Variants in CSMD3 observed in about 807,000 individuals in gnomAD.
The protein encoded by CSMD3 is CUB and Sushi multiple domains 3.
Under a neutral mutation model 435.2 loss-of-function variants are expected in CSMD3, and 177 were observed. The ratio of observed to expected loss-of-function variants is 0.41; its 90% CI spans 0.36 to 0.46. CSMD3 has a LOEUF of 0.46. Ranked by LOEUF, CSMD3 falls within the 20% of genes least tolerant of loss-of-function variation. The probability of loss-of-function intolerance (pLI) is 0.34; values close to 1 mark genes in which losing one functional copy is unlikely to be tolerated. For missense variants in CSMD3, 4,265 were observed against 4,504.6 expected, an observed-to-expected ratio of 0.95 and a Z score of 1.52; for synonymous variants, 1,656 against 1,520.5, an observed-to-expected ratio of 1.09 and a Z score of -2.07.
At chr8:113,120,328 C>A (rs989229028) in intron 4 of CSMD3, among the ~76,000 whole-genome samples, 1 of 151,936 alleles carries the variant, frequency 6.6e-6, no homozygotes, top group African/African-American at 2.4e-5. Context: ...TCAATATATT[C>A]ATTGTTTTCT....
chr8:113,337,105 CTG>C (rs1379406051), intron 1 of CSMD3, among the ~76,000 whole-genome samples: 1 of 152,068 alleles, frequency 6.6e-6, no homozygotes, highest in African/African-American at 2.4e-5. Flanking sequence ...CTTTTTGTGA[CTG>C]TGTCTGTCAT....
chr8:113,335,116 G>A (rs564034760), intron 1 of CSMD3, among the ~76,000 whole-genome samples: 1 of 152,086 alleles, frequency 6.6e-6, no homozygotes, highest in East Asian at 1.9e-4. Flanking sequence ...AAAGTGCATA[G>A]CACGCCACCT....
intron 24 of CSMD3, among the ~76,000 whole-genome samples, chr8:112,566,290 T>C (rs1829058729): frequency 6.6e-6 from 1 of 152,064 alleles, no homozygotes; most frequent in Admixed American, 6.6e-5. Context: ...CTATGCTTTT[T>C]ATTTCCTCAT....
At chr8:112,874,442 T>C (rs908680876) in intron 10 of CSMD3, among the ~76,000 whole-genome samples, 15 of 152,196 alleles carry the variant, frequency 9.9e-5, no homozygotes, top group African/African-American at 3.6e-4. Flanking sequence ...CAGAGCTGAG[T>C]TCAAGTCCTG....
At chr8:112,334,134 G>A (rs578016829) in intron 45 of CSMD3, among the ~76,000 whole-genome samples, 4 of 152,232 alleles carry the variant, frequency 2.6e-5, no homozygotes, top group African/African-American at 9.6e-5. Flanking sequence ...CGTGTTCATG[G>A]TGGTATGGCC....
intron 59 of CSMD3, among the ~76,000 whole-genome samples, chr8:112,268,717 T>C (rs1817190839): frequency 6.6e-6 from 1 of 152,202 alleles, no homozygotes; most frequent in African/African-American, 2.4e-5. Context: ...TGCTTGAGCA[T>C]CATTACATAT....
chr8:113,115,186 T>A (rs2090784517), intron 4 of CSMD3, among the ~76,000 whole-genome samples: 1 of 152,190 alleles, frequency 6.6e-6, no homozygotes. Flanking sequence ...CTCAGGGAAT[T>A]CAGAAAGAGG....
At chr8:112,643,303 C>G (rs1052041175) in intron 20 of CSMD3, among the ~76,000 whole-genome samples, 8 of 152,058 alleles carry the variant, frequency 5.3e-5, no homozygotes, top group African/African-American at 1.7e-4. Flanking sequence ...CCATAACAGG[C>G]CAGTTCATCA....
chr8:113,268,559 G>GA (rs2093492087), intron 3 of CSMD3, among the ~76,000 whole-genome samples: 2 of 151,814 alleles, frequency 1.3e-5, no homozygotes, highest in African/African-American at 4.8e-5. Context: ...AGATTCGACT[G>GA]CAAGAAGTTT....
intron 36 of CSMD3, among the ~76,000 whole-genome samples, chr8:112,384,548 C>A (rs1829767917): frequency 6.6e-6 from 1 of 152,166 alleles, no homozygotes; most frequent in Non-Finnish European, 1.5e-5. Flanking sequence ...AAAGGAATAA[C>A]TTTATTAAAA....
At chr8:112,468,902 A>G (rs1164532356) in intron 32 of CSMD3, among the ~76,000 whole-genome samples, 1 of 152,090 alleles carries the variant, frequency 6.6e-6, no homozygotes, top group East Asian at 1.9e-4. Context: ...TGCAGGATGA[A>G]TATTTCCAAA....
chr8:112,744,442 C>G lies in CSMD3; in HGVS notation c.1973-54392G>C, dbSNP rs574542669. Among the ~76,000 whole-genome samples, 11 of 152,018 alleles carry G rather than the reference C, an allele frequency of 7.2e-5. No homozygotes were observed. The East Asian group carries it at 2.1e-3, about 29-fold the overall frequency. On this transcript the variant is annotated intron_variant, in intron 13 of 70. Coordinates refer to ENST00000297405, the MANE Select transcript of CSMD3 (RefSeq NM_198123.2). ...TTTCCTTGGGAAAAACATAGGAAGACTTTTTTTGTGTTTAAAATACAGTAT... is the reference window on the plus strand; with the variant it reads ...TTTCCTTGGGAAAAACATAGGAAGAGTTTTTTTGTGTTTAAAATACAGTAT...
chr8:112,786,616 T>C (rs1281537274), intron 13 of CSMD3, among the ~76,000 whole-genome samples: 2 of 151,860 alleles, frequency 1.3e-5, no homozygotes, highest in Non-Finnish European at 2.9e-5. Context: ...TCTGAATAGA[T>C]ATTTCTCAAA....
chr8:113,412,982 A>AT (rs374098041), intron 1 of CSMD3, among the ~76,000 whole-genome samples: 3 of 152,254 alleles, frequency 2.0e-5, no homozygotes, highest in Non-Finnish European at 4.4e-5. Flanking sequence ...TATTAGATAT[A>AT]TATATAATTA....
At chr8:113,403,504 G>A (rs1232842337) in intron 1 of CSMD3, among the ~76,000 whole-genome samples, 1 of 151,210 alleles carries the variant, frequency 6.6e-6, no homozygotes, top group South Asian at 2.1e-4. Context: ...TAACACCAGG[G>A]TGAGGTTTGG....
chr8:113,197,899 T>C (rs962169798), intron 3 of CSMD3, among the ~76,000 whole-genome samples: 5 of 151,272 alleles, frequency 3.3e-5, no homozygotes, highest in African/African-American at 1.2e-4. Flanking sequence ...AGAGAATGTT[T>C]TATATAAAAT....
intron 5 of CSMD3, among the ~76,000 whole-genome samples, chr8:113,051,091 A>C (rs2088068788): frequency 6.6e-6 from 1 of 152,142 alleles, no homozygotes; most frequent in Non-Finnish European, 1.5e-5. Flanking sequence ...AGTGAAAAAA[A>C]TACTCTAACA....
intron 53 of CSMD3, among the ~76,000 whole-genome samples, chr8:112,297,659 A>C (rs959862977): frequency 6.6e-6 from 1 of 152,190 alleles, no homozygotes; most frequent in African/African-American, 2.4e-5. Context: ...GTTGGGAAAC[A>C]AAATAGTGAA....
chr8:112,498,614 C>A (rs1346942573), intron 30 of CSMD3, among the ~76,000 whole-genome samples: 1 of 152,106 alleles, frequency 6.6e-6, no homozygotes, highest in Non-Finnish European at 1.5e-5. Context: ...GATACTCTTG[C>A]TGCAACTTTT....
Sources: gnomAD v4.1 joint callset for allele counts (sites outside exome capture counted in the v4.1 genomes callset) on GRCh38, gnomAD v4.1.1 for gene constraint, MANE v1.5 for transcripts, NCBI Gene and HGNC (gene_info 2026-07-23, HGNC 2026-07-21) for gene names.